Variants in SNX25 observed in about 807,000 individuals in gnomAD.
SNX25 encodes the protein sorting nexin-25.
SNX25 carries 62 observed loss-of-function variants against 113.7 expected under a neutral mutation model. That is an observed-to-expected ratio of 0.55 (90% CI 0.44 to 0.67). SNX25 has a LOEUF of 0.67. Ranked by LOEUF, SNX25 falls within the 30% of genes least tolerant of loss-of-function variation. The probability of loss-of-function intolerance (pLI) is 0.00; values close to 1 mark genes in which losing one functional copy is unlikely to be tolerated. For missense variants in SNX25, 1,014 were observed against 1,161.0 expected (o/e 0.87, Z 1.84); for synonymous variants, 421 against 436.2 (o/e 0.97, Z 0.43).
rs375062945 is a variant in SNX25 at position 185,244,838 on chromosome 4, T to C, written c.430-2456T>C. Among the ~76,000 whole-genome samples the C allele has an allele frequency of 2.1e-4, 32 of 152,352 alleles. No individual in the cohort carries two copies. In the South Asian group the frequency reaches 6.4e-3, roughly 31 times the overall value. On this transcript the variant is annotated intron_variant, in intron 1 of 18. Coordinates refer to ENST00000652585, the MANE Select transcript of SNX25 (RefSeq NM_001378034.2). ...TTGAATCTATGGCTTTTTTCCTCTT[T>C]TTTTATAAGGTCACCAGGAGACTTT...
intron 5 of SNX25, among the ~76,000 whole-genome samples, chr4:185,279,855 C>T (rs1424071425): frequency 6.6e-6 from 1 of 151,984 alleles, no homozygotes; most frequent in Non-Finnish European, 1.5e-5. Flanking sequence ...ACAGATTTCT[C>T]CAAGAATGTT....
At chr4:185,207,868 T>C (rs1021894425), upstream of SNX25, 2 of 152,224 alleles carry the variant, frequency 1.3e-5, no homozygotes, top group Non-Finnish European at 2.9e-5. Flanking sequence ...GTTACTATTA[T>C]GGTGAGCTAG....
chr4:185,349,734 G>A (rs1467179488), intron 13 of SNX25, among the ~76,000 whole-genome samples: 1 of 152,124 alleles, frequency 6.6e-6, no homozygotes, highest in Non-Finnish European at 1.5e-5. Context: ...ATTATTGTGT[G>A]TGTGTGTGTT....
At chr4:185,241,634 A>G (rs1464763922) in intron 1 of SNX25, among the ~76,000 whole-genome samples, 2 of 151,248 alleles carry the variant, frequency 1.3e-5, no homozygotes, top group Non-Finnish European at 2.9e-5. Context: ...CTGGTTCACC[A>G]AGAGCTTTTA....
intron 18 of SNX25, 126 bp downstream of exon 18, chr4:185,362,837 CTTTT>C (rs35348535): frequency 7.1e-3 from 1,757 of 247,458 alleles, no homozygotes; most frequent in Middle Eastern, 0.012. Context: ...TCTCCCTTGA[CTTTT>C]TTTTTTTTTT....
chr4:185,322,664 A>G (rs2095129479), intron 8 of SNX25, among the ~76,000 whole-genome samples: 1 of 152,182 alleles, frequency 6.6e-6, no homozygotes, highest in African/African-American at 2.4e-5. Flanking sequence ...TTTATTCACC[A>G]GTTTTGACTC....
rs201400850 is a variant in SNX25, at chr4:185,351,469, T to C, written c.2326T>C (p.Cys776Arg). 5 of 1,614,186 alleles carry C rather than the reference T, an allele frequency of 3.1e-6. No homozygotes were observed. In the East Asian group the frequency reaches 8.9e-5, roughly 29 times the overall value. ...GAATCTGCTTTCAGATGAAAGACTG[T>C]GTCAGAGTGAAGCACTTTATGCCTT... Reference protein sequence around the residue: ...LQNLLSDERLCQSEALYAFLS... With the variant: ...LQNLLSDERLRQSEALYAFLS... Residue 776 changes from cysteine (C) to arginine (R), a missense_variant, in exon 14 of 19, where the codon TGT (cysteine) becomes CGT (arginine). Coordinates refer to ENST00000652585, the MANE Select transcript of SNX25 (RefSeq NM_001378034.2).
chr4:185,349,131 C>G (rs2095303066), intron 13 of SNX25, among the ~76,000 whole-genome samples: 1 of 152,084 alleles, frequency 6.6e-6, no homozygotes, highest in Non-Finnish European at 1.5e-5. Flanking sequence ...GAAGGATTGT[C>G]TTGGGCCACA....
At chr4:185,225,896 T>G (rs1168562932) in intron 1 of SNX25, among the ~76,000 whole-genome samples, 1 of 152,234 alleles carries the variant, frequency 6.6e-6, no homozygotes, top group Non-Finnish European at 1.5e-5. Flanking sequence ...GTCTACACAC[T>G]TAAACACTTT....
At chr4:185,377,813 C>T in the SNX25 span, 36 of 323,452 alleles carry the variant, frequency 1.1e-4, no homozygotes, top group African/African-American at 6.3e-4. Flanking sequence ...CTTTAACAAA[C>T]GTGACATCTG....
chr4:185,267,217 G>GC, intron 5 of SNX25, 62 bp downstream of exon 5: 1 of 1,428,502 alleles, frequency 7.0e-7, no homozygotes, highest in Non-Finnish European at 9.5e-7. Context: ...GCCTAGTTAG[G>GC]TTAAAAAAAA....
chr4:185,307,346 G>A (rs1488836048), intron 6 of SNX25, among the ~76,000 whole-genome samples: 1 of 152,190 alleles, frequency 6.6e-6, no homozygotes, highest in African/African-American at 2.4e-5. Flanking sequence ...TCTAAGCGAG[G>A]TATGTGCTGA....
chr4:185,290,420 T>C (rs1751986742), intron 6 of SNX25, among the ~76,000 whole-genome samples: 1 of 152,234 alleles, frequency 6.6e-6, no homozygotes. Flanking sequence ...TCTTGGGGCC[T>C]TGGAGCCGTT....
chr4:185,341,178 T>C (rs1009194487), intron 11 of SNX25, among the ~76,000 whole-genome samples: 1 of 152,282 alleles, frequency 6.6e-6, no homozygotes, highest in African/African-American at 2.4e-5. Flanking sequence ...ATGTTAAGTA[T>C]AGTAGTGGCC....
the SNX25 span, chr4:185,377,065 T>A: frequency 1.6e-6 from 2 of 1,248,940 alleles, no homozygotes; most frequent in Non-Finnish European, 2.4e-6. Context: ...CAATATGAAT[T>A]TTCTCTCTTG....
At chr4:185,207,210 CTTTTTTTTTTTTTTT>C (rs34373262), upstream of SNX25, among the ~76,000 whole-genome samples, 1 of 76,814 alleles carries the variant, frequency 1.3e-5, no homozygotes, top group Non-Finnish European at 2.4e-5. Flanking sequence ...ACCAGTCACA[CTTTTTTTTTTTTTTT>C]TTTTTTTTTT....
intron 5 of SNX25, among the ~76,000 whole-genome samples, chr4:185,273,423 T>A (rs1303808694): frequency 1.3e-5 from 2 of 152,040 alleles, no homozygotes; most frequent in Admixed American, 1.3e-4. Flanking sequence ...ATTCCAGGGG[T>A]CAGCCACCAT....
intron 5 of SNX25, among the ~76,000 whole-genome samples, chr4:185,279,697 G>T (rs1442561520): frequency 6.6e-6 from 1 of 152,174 alleles, no homozygotes; most frequent in Admixed American, 6.5e-5. Context: ...ATTGGCAAGG[G>T]TGTAGGAAAA....
intron 6 of SNX25, among the ~76,000 whole-genome samples, chr4:185,300,993 C>G (rs997966188): frequency 6.6e-6 from 1 of 152,124 alleles, no homozygotes; most frequent in Non-Finnish European, 1.5e-5. Context: ...ATCTCCCTCT[C>G]TGACCTTTTC....
Sources: allele counts gnomAD v4.1 joint callset (sites outside exome capture counted in the v4.1 genomes callset), GRCh38; gene constraint gnomAD v4.1.1; transcripts MANE v1.5; gene names NCBI Gene and HGNC (gene_info 2026-07-23, HGNC 2026-07-21).